Variants in NXPH2 observed in about 807,000 individuals in gnomAD.
The protein encoded by NXPH2 is neurexophilin 2, also known as neurexophilin-2.
In NXPH2, 5 loss-of-function variants were observed where a neutral mutation model predicts 19.8. The ratio of observed to expected loss-of-function variants is 0.25; its 90% confidence interval spans 0.13 to 0.53. The LOEUF is 0.53. Among genes scored for constraint, NXPH2 ranks in the 20% least tolerant of loss-of-function variants. The pLI, the probability that NXPH2 is intolerant of heterozygous loss-of-function variation, is 0.96. For missense variants in NXPH2, 289 were observed against 322.8 expected (o/e 0.90, Z 0.80); for synonymous variants, 154 against 127.4 (o/e 1.21, Z -1.41).
In NXPH2 at chr2:138,746,942, A is replaced by G. The variant is rs147338580; in HGVS notation, c.51+33249T>C. Among the ~76,000 whole-genome samples the G allele has an allele frequency of 2.0e-5, 3 of 152,274 alleles. No individual in the cohort carries two copies. The East Asian group carries it at 5.8e-4, about 29-fold the overall frequency. ...GCAGTGCCTGGCCCTGATCCTGAAA[A>G]GAGGGTACCCTTGTTTTTTCTAAAT... On this transcript the variant is annotated intron_variant, in intron 1 of 1. Coordinates refer to ENST00000272641, the MANE Select transcript of NXPH2 (RefSeq NM_007226.3).
intron 1 of NXPH2, among the ~76,000 whole-genome samples, chr2:138,731,013 C>T (rs1216698917): frequency 1.3e-5 from 2 of 152,174 alleles, no homozygotes; most frequent in Non-Finnish European, 2.9e-5. Context: ...AGATAGGCCT[C>T]CTCTGACTGC....
At chr2:138,730,876 G>T (rs1479152286) in intron 1 of NXPH2, among the ~76,000 whole-genome samples, 1 of 152,176 alleles carries the variant, frequency 6.6e-6, no homozygotes, top group Admixed American at 6.5e-5. Flanking sequence ...GGAGTGGTTT[G>T]TAATGCAGCA....
At chr2:138,761,747 G>T (rs1162877876) in intron 1 of NXPH2, among the ~76,000 whole-genome samples, 1 of 152,178 alleles carries the variant, frequency 6.6e-6, no homozygotes, top group African/African-American at 2.4e-5. Context: ...GCAGATGTAA[G>T]AATATTTAAC....
At chr2:138,721,729 G>A (rs1681281840) in intron 1 of NXPH2, among the ~76,000 whole-genome samples, 1 of 152,312 alleles carries the variant, frequency 6.6e-6, no homozygotes, top group Admixed American at 6.5e-5. Context: ...GCCCTTGCTA[G>A]GCTCAGCCTC....
intron 1 of NXPH2, among the ~76,000 whole-genome samples, chr2:138,680,204 T>C (rs1188545577): frequency 6.6e-6 from 1 of 152,200 alleles, no homozygotes; most frequent in Non-Finnish European, 1.5e-5. Flanking sequence ...GCAAGCCACA[T>C]TCCCTCTCTG....
At chr2:138,755,673 A>G (rs1681896064) in intron 1 of NXPH2, among the ~76,000 whole-genome samples, 1 of 152,102 alleles carries the variant, frequency 6.6e-6, no homozygotes, top group Non-Finnish European at 1.5e-5. Context: ...ACTTTCTATA[A>G]AAATTTTAGA....
chr2:138,681,384 C>A (rs187331904), intron 1 of NXPH2, among the ~76,000 whole-genome samples: 25 of 152,236 alleles, frequency 1.6e-4, no homozygotes, highest in Non-Finnish European at 3.5e-4. Flanking sequence ...GGCATCTATA[C>A]TTTAAGAGAA....
chr2:138,680,954 G>T (rs1680571544), intron 1 of NXPH2, among the ~76,000 whole-genome samples: 4 of 152,116 alleles, frequency 2.6e-5, no homozygotes, highest in Non-Finnish European at 4.4e-5. Context: ...CCATAAACAG[G>T]CTCCGATGTT....
At chr2:138,774,680 TACAC>T (rs146126789) in intron 1 of NXPH2, among the ~76,000 whole-genome samples, 2 of 152,156 alleles carry the variant, frequency 1.3e-5, no homozygotes, top group African/African-American at 4.8e-5. Context: ...TGTGCACACA[TACAC>T]ACACACTCAC....
intron 1 of NXPH2, among the ~76,000 whole-genome samples, chr2:138,713,270 A>T (rs1391297720): frequency 6.6e-6 from 1 of 152,230 alleles, no homozygotes; most frequent in Non-Finnish European, 1.5e-5. Context: ...GAACCTCAGC[A>T]GTCACAGGAC....
At chr2:138,742,990 A>G (rs1681668149) in intron 1 of NXPH2, among the ~76,000 whole-genome samples, 1 of 152,228 alleles carries the variant, frequency 6.6e-6, no homozygotes, top group Admixed American at 6.5e-5. Context: ...ATCCATGTGT[A>G]TTAGTATAAT....
At chr2:138,719,350 C>T (rs111925731) in intron 1 of NXPH2, among the ~76,000 whole-genome samples, 3 of 151,748 alleles carry the variant, frequency 2.0e-5, no homozygotes, top group East Asian at 1.9e-4. Context: ...TAAAAATATC[C>T]GAAAGGAGAA....
intron 1 of NXPH2, among the ~76,000 whole-genome samples, chr2:138,739,518 G>A (rs1681610792): frequency 6.6e-6 from 1 of 152,058 alleles, no homozygotes; most frequent in African/African-American, 2.4e-5. Context: ...AAGGGAATGA[G>A]GGAGAGAGGA....
Position 138,671,036 on chromosome 2 carries a change from G to A in NXPH2, c.681C>T (p.Pro227=). 6.2e-7 allele frequency: 1 copy of A among 1,614,002 alleles called. No homozygotes were observed. Among genetic ancestry groups the A allele is most frequent in the Non-Finnish European group, 8.5e-7 (1 of 1,179,888 alleles). ...CAATGTAAATGCAAATGACCTTGAA[G>A]GGCTTGGAGCACAACCAAGACACAT... ...QSHVSWLCSK[P]FKVICIYIAF... The change falls in exon 2 of 2, where the codon CCC becomes CCT. Residue 227 remains proline (P), a synonymous_variant. Coordinates refer to ENST00000272641, the MANE Select transcript of NXPH2 (RefSeq NM_007226.3).
At chr2:138,688,922 G>A (rs1680705189) in intron 1 of NXPH2, among the ~76,000 whole-genome samples, 1 of 152,044 alleles carries the variant, frequency 6.6e-6, no homozygotes, top group Non-Finnish European at 1.5e-5. Context: ...TTAAACATAG[G>A]GACATTTTCT....
At chr2:138,710,888 G>A (rs1205537388) in intron 1 of NXPH2, among the ~76,000 whole-genome samples, 2 of 151,930 alleles carry the variant, frequency 1.3e-5, no homozygotes, top group African/African-American at 2.4e-5. Flanking sequence ...TGGCTTCCCC[G>A]ACTTCCTCAG....
chr2:138,676,124 T>A (rs1680481366), intron 1 of NXPH2, among the ~76,000 whole-genome samples: 1 of 152,192 alleles, frequency 6.6e-6, no homozygotes, highest in African/African-American at 2.4e-5. Flanking sequence ...AAAATACACG[T>A]ACAGTTCTCA....
intron 1 of NXPH2, among the ~76,000 whole-genome samples, chr2:138,682,233 A>G (rs1212556658): frequency 6.6e-6 from 1 of 152,204 alleles, no homozygotes; most frequent in Non-Finnish European, 1.5e-5. Context: ...CAAATTCAGC[A>G]TACCATTAAA....
intron 1 of NXPH2, among the ~76,000 whole-genome samples, chr2:138,685,917 G>A (rs775416453): frequency 6.6e-6 from 1 of 151,958 alleles, no homozygotes; most frequent in African/African-American, 2.4e-5. Flanking sequence ...TTTTGACTTG[G>A]TTCTTCCTCT....
Sources: gnomAD v4.1 joint callset for allele counts (sites outside exome capture counted in the v4.1 genomes callset) on GRCh38, gnomAD v4.1.1 for gene constraint, MANE v1.5 for transcripts, NCBI Gene and HGNC (gene_info 2026-07-23, HGNC 2026-07-21) for gene names.